The following PTPRK variants were observed in gnomAD, a reference collection of about 807,000 sequenced individuals.
PTPRK encodes receptor-type tyrosine-protein phosphatase kappa.
PTPRK carries 75 observed loss-of-function variants against 178.0 expected under a neutral mutation model. The ratio of observed to expected loss-of-function variants is 0.42; its 90% CI spans 0.35 to 0.51. PTPRK has a LOEUF of 0.51. Ranked by LOEUF, PTPRK falls within the 20% of genes least tolerant of loss-of-function variation. The probability of loss-of-function intolerance (pLI) is 0.02; values close to 1 mark genes in which losing one functional copy is unlikely to be tolerated. For synonymous variants in PTPRK, 637 were observed against 620.6 expected, an observed-to-expected ratio of 1.03 and a Z score of -0.39; for missense variants, 1,441 against 1,797.8, an observed-to-expected ratio of 0.80 and a Z score of 3.59.
In PTPRK at chr6:128,089,715, C is replaced by T. The variant is rs750472846; in HGVS notation, c.1440G>A (p.Glu480=). 1.2e-6 allele frequency: 2 copies of T among 1,612,548 alleles called. No individual in the cohort carries two copies. Among genetic ancestry groups the T allele is most frequent in the South Asian group, 1.1e-5 (1 of 91,052 alleles). Residue 480 remains glutamate (E), a synonymous_variant, in exon 8 of 30, where the codon GAG becomes GAA. Transcript: ENST00000368226. ...TNPEGRKESE[E]TIIQTDEDVP... ...CATCTTCATCAGTTTGAATAATTGT[C>T]TCTTCACTCTCCTTCCTTCCCTCTG...
At chr6:128,091,979 T>G (rs563082934) in intron 7 of PTPRK, among the ~76,000 whole-genome samples, 1 of 152,236 alleles carries the variant, frequency 6.6e-6, no homozygotes, top group African/African-American at 2.4e-5. Context: ...TTATCTGTTA[T>G]GCAGAAAATG....
rs10665667 is a variant in PTPRK, at chr6:128,464,638, C to CATATATATATATATATATAT, written c.100+55601_100+55620dup. ...ACATATACATATATATATATATACA[C>CATATATATATATATATATAT]ATATATATATATATATATATATATA... is the stretch of plus-strand genomic sequence containing the variant. On this transcript the variant is annotated intron_variant, in intron 1 of 29. Transcript: ENST00000368226. Among the ~76,000 whole-genome samples, 45 of 48,590 alleles carry CATATATATATATATATATAT rather than the reference C, an allele frequency of 9.3e-4. 3 individuals are homozygous for CATATATATATATATATATAT. Among genetic ancestry groups the CATATATATATATATATATAT allele is most frequent in the East Asian group, 1.6e-3 (2 of 1,220 alleles). The allele number at this position is 48,590 out of a possible 152,430, so 31.9% of individuals were successfully genotyped here.
At position 128,464,641 on chromosome 6, in the gene PTPRK, A is replaced by ATATATATATATG. The variant is rs1156457833; in HGVS notation, c.100+55617_100+55618insCATATATATATA. Among the ~76,000 whole-genome samples the ATATATATATATG allele has an allele frequency of 2.6e-3, 166 of 64,586 alleles. 3 individuals are homozygous for ATATATATATATG. The East Asian group carries it at 0.038, about 15-fold the overall frequency. The allele number at this position is 64,586 out of a possible 152,430, so 42.4% of individuals were successfully genotyped here. On this transcript the variant is annotated intron_variant, in intron 1 of 29. Coordinates refer to ENST00000368226, the MANE Select transcript of PTPRK (RefSeq NM_002844.4). ...TATACATATATATATATATACACAT[A>ATATATATATATG]TATATATATATATATATATATATAT... is the stretch of plus-strand genomic sequence containing the variant.
At chr6:128,364,596 G>T (rs1477888858) in intron 2 of PTPRK, among the ~76,000 whole-genome samples, 2 of 152,016 alleles carry the variant, frequency 1.3e-5, no homozygotes, top group Non-Finnish European at 2.9e-5. Context: ...TTCATTAACA[G>T]TAATGATGAT....
intron 7 of PTPRK, among the ~76,000 whole-genome samples, chr6:128,183,157 A>G (rs1802212567): frequency 6.6e-6 from 1 of 152,140 alleles, no homozygotes; most frequent in African/African-American, 2.4e-5. Flanking sequence ...TAGAGAGTGA[A>G]CTAATTTTTA....
At chr6:128,390,468 C>T in intron 2 of PTPRK, among the ~76,000 whole-genome samples, 1 of 152,054 alleles carries the variant, frequency 6.6e-6, no homozygotes, top group East Asian at 1.9e-4. Context: ...TCATTTAAAG[C>T]TTTCAAATTG....
At chr6:128,030,720 C>T (rs1265913195) in intron 13 of PTPRK, among the ~76,000 whole-genome samples, 1 of 152,148 alleles carries the variant, frequency 6.6e-6, no homozygotes, top group Non-Finnish European at 1.5e-5. Context: ...ACAGTTGATT[C>T]TCTGTATAAA....
Position 128,177,939 on chromosome 6 carries a change from T to C in PTPRK, c.1162+6493A>G, listed in dbSNP as rs1192365203. 5.9e-5 allele frequency among the ~76,000 whole-genome samples: 9 copies of C among 151,952 alleles called. No individual in the cohort carries two copies. The East Asian group carries it at 1.7e-3, about 29-fold the overall frequency. On this transcript the variant is annotated intron_variant, in intron 7 of 29. Transcript: ENST00000368226. ...ATGATATATATTAGAATATGAACTA[T>C]ATCTTTCATTTTAATACCTCCATCT...
At chr6:128,016,781 T>C (rs1779639703) in intron 13 of PTPRK, among the ~76,000 whole-genome samples, 1 of 151,942 alleles carries the variant, frequency 6.6e-6, no homozygotes, top group Non-Finnish European at 1.5e-5. Context: ...AGTAGAAAGT[T>C]GTTTCAGGTC....
intron 5 of PTPRK, chr6:128,235,530 TAC>T (rs1355614906): frequency 2.0e-6 from 1 of 488,334 alleles, no homozygotes; most frequent in African/African-American, 2.0e-5. Flanking sequence ...TCCTCAGGAA[TAC>T]AGACATCCTT....
intron 5 of PTPRK, among the ~76,000 whole-genome samples, chr6:128,224,920 T>C (rs886773608): frequency 6.6e-6 from 1 of 152,188 alleles, no homozygotes; most frequent in African/African-American, 2.4e-5. Context: ...ACTTATCAAA[T>C]CTCTGAAATG....
intron 2 of PTPRK, among the ~76,000 whole-genome samples, chr6:128,381,551 C>T (rs1450412919): frequency 2.6e-5 from 4 of 152,134 alleles, no homozygotes; most frequent in South Asian, 4.2e-4. Context: ...GATTACTAAC[C>T]GGCCGTGTCA....
At chr6:128,305,402 T>C (rs1367350589) in intron 3 of PTPRK, among the ~76,000 whole-genome samples, 1 of 152,176 alleles carries the variant, frequency 6.6e-6, no homozygotes, top group Non-Finnish European at 1.5e-5. Flanking sequence ...ATAGTTAGTC[T>C]AGGTACTTTC....
chr6:128,134,639 C>T (rs138983984), intron 7 of PTPRK, among the ~76,000 whole-genome samples: 1 of 152,172 alleles, frequency 6.6e-6, no homozygotes, highest in African/African-American at 2.4e-5. Context: ...GACAAAATCC[C>T]ATCTCTACAA....
At chr6:128,180,054 T>C (rs1474005098) in intron 7 of PTPRK, among the ~76,000 whole-genome samples, 2 of 152,086 alleles carry the variant, frequency 1.3e-5, no homozygotes, top group Non-Finnish European at 2.9e-5. Flanking sequence ...CTGGACACTC[T>C]GAACTATTGA....
chr6:128,518,924 A>C, intron 1 of PTPRK: 1 of 460,994 alleles, frequency 2.2e-6, no homozygotes, highest in Non-Finnish European at 4.5e-6. Context: ...ATAAACGATT[A>C]CTCCAGAAAA....
intron 3 of PTPRK, among the ~76,000 whole-genome samples, chr6:128,281,774 T>G (rs914166325): frequency 2.0e-5 from 3 of 151,728 alleles, no homozygotes; most frequent in African/African-American, 4.9e-5. Context: ...CTTGGAATCC[T>G]AATAGAAGGC....
chr6:128,417,697 T>A (rs1228858505), intron 1 of PTPRK, among the ~76,000 whole-genome samples: 1 of 152,224 alleles, frequency 6.6e-6, no homozygotes, highest in Admixed American at 6.5e-5. Flanking sequence ...ATTTGTTCGA[T>A]CATCATGGTA....
At position 128,516,693 on chromosome 6, in the gene PTPRK, A is replaced by C. The variant is rs1466272196; in HGVS notation, c.100+3566T>G. 2.6e-5 allele frequency among the ~76,000 whole-genome samples: 4 copies of C among 152,174 alleles called. No individual in the cohort carries two copies. In the East Asian group the frequency reaches 7.7e-4, roughly 29 times the overall value. ...GTGACATGTCAGGAACTATAGACAA[A>C]GCAGGATCTCGAGCTGTATTTCCAG... On this transcript the variant is annotated intron_variant, in intron 1 of 29. Coordinates refer to ENST00000368226, the MANE Select transcript of PTPRK (RefSeq NM_002844.4).
Sources: gnomAD v4.1 joint callset for allele counts (sites outside exome capture counted in the v4.1 genomes callset) on GRCh38, gnomAD v4.1.1 for gene constraint, MANE v1.5 for transcripts, NCBI Gene and HGNC (gene_info 2026-07-23, HGNC 2026-07-21) for gene names.